Variants in KCNAB1 observed in about 807,000 individuals in gnomAD.
KCNAB1 encodes the protein voltage-gated potassium channel subunit beta-1.
Under a neutral mutation model 64.6 loss-of-function variants are expected in KCNAB1, and 35 were observed. That is an observed-to-expected ratio of 0.54 (90% CI 0.41 to 0.72). The LOEUF is 0.72. Among genes scored for constraint, KCNAB1 ranks in the 30% least tolerant of loss-of-function variants. The pLI, the probability that KCNAB1 is intolerant of heterozygous loss-of-function variation, is 0.00. For synonymous variants in KCNAB1, 177 were observed against 183.8 expected, an observed-to-expected ratio of 0.96 and a Z score of 0.30; for missense variants, 401 against 512.9, an observed-to-expected ratio of 0.78 and a Z score of 2.11.
chr3:156,197,921 C>A (rs931807527), intron 1 of KCNAB1, among the ~76,000 whole-genome samples: 1 of 152,164 alleles, frequency 6.6e-6, no homozygotes, highest in African/African-American at 2.4e-5. Flanking sequence ...CTGATCTGGG[C>A]ATTTAGTGCT....
chr3:156,503,957 A>G (rs890360779), intron 8 of KCNAB1, among the ~76,000 whole-genome samples: 3 of 152,190 alleles, frequency 2.0e-5, no homozygotes, highest in African/African-American at 7.2e-5. Context: ...AGAACAAACA[A>G]TTGTTAACTA....
At chr3:156,446,159 C>T (rs900013433) in intron 2 of KCNAB1, 10 of 152,158 alleles carry the variant, frequency 6.6e-5, no homozygotes, top group African/African-American at 2.4e-4. Flanking sequence ...CAGTGGAAGG[C>T]TCAGCCCATA....
At chr3:156,242,021 A>G (rs978526628) in intron 1 of KCNAB1, among the ~76,000 whole-genome samples, 1 of 151,992 alleles carries the variant, frequency 6.6e-6, no homozygotes, top group East Asian at 1.9e-4. Flanking sequence ...ACACCCTCCT[A>G]TTTGGCCTGT....
intron 1 of KCNAB1, among the ~76,000 whole-genome samples, chr3:156,140,317 G>T (rs1219388969): frequency 2.0e-5 from 3 of 152,172 alleles, no homozygotes; most frequent in African/African-American, 7.2e-5. Flanking sequence ...AGTTCAGGCT[G>T]TTACCATAGA....
At chr3:156,177,096 A>G (rs571522828) in intron 1 of KCNAB1, among the ~76,000 whole-genome samples, 4 of 152,280 alleles carry the variant, frequency 2.6e-5, no homozygotes, top group African/African-American at 9.6e-5. Flanking sequence ...GATGATGTCA[A>G]CTTTATTGTA....
intron 2 of KCNAB1, among the ~76,000 whole-genome samples, chr3:156,427,696 G>C (rs1715909740): frequency 1.3e-5 from 2 of 152,190 alleles, no homozygotes; most frequent in Non-Finnish European, 2.9e-5. Context: ...GAATTGTGGG[G>C]TAGGGAGTGG....
intron 1 of KCNAB1, among the ~76,000 whole-genome samples, chr3:156,325,170 A>G (rs1322406623): frequency 6.6e-6 from 1 of 152,186 alleles, no homozygotes; most frequent in African/African-American, 2.4e-5. Context: ...TGTCTTACAT[A>G]TGAGAAAATC....
chr3:156,231,344 G>A (rs1244335046), intron 1 of KCNAB1, among the ~76,000 whole-genome samples: 1 of 152,054 alleles, frequency 6.6e-6, no homozygotes, highest in Non-Finnish European at 1.5e-5. Context: ...TTTCCAATCT[G>A]ACTCTGGCAT....
rs5853744 is a variant in KCNAB1 at position 156,213,215 on chromosome 3, CT to C, written c.275+92343del. Among the ~76,000 whole-genome samples, 147 of 142,820 alleles carry C rather than the reference CT, an allele frequency of 1.0e-3. No individual in the cohort carries two copies. In the Middle Eastern group the frequency reaches 0.011, roughly 11 times the overall value. 93.7% of individuals were successfully genotyped at this position (142,820 alleles called of 152,430 possible). The stretch of plus-strand genomic sequence containing the variant: ...TGTGGAGTCCTATCAGTCTCTTTCA[CT>C]TTTTTTTTTTTTTGTCTTTTGAGAC... On this transcript the variant is annotated intron_variant, in intron 1 of 13. Coordinates refer to ENST00000490337, the MANE Select transcript of KCNAB1 (RefSeq NM_172160.3).
intron 1 of KCNAB1, among the ~76,000 whole-genome samples, chr3:156,306,068 A>C (rs1304697274): frequency 6.6e-6 from 1 of 152,252 alleles, no homozygotes; most frequent in Non-Finnish European, 1.5e-5. Context: ...AAGTAACAAA[A>C]AGAGAATATC....
chr3:156,220,106 C>T (rs1715613200), intron 1 of KCNAB1, among the ~76,000 whole-genome samples: 1 of 152,124 alleles, frequency 6.6e-6, no homozygotes, highest in Non-Finnish European at 1.5e-5. Context: ...TTTTCTTTAT[C>T]CAGTCTATAA....
chr3:156,285,037 T>C (rs1428229526), intron 1 of KCNAB1, among the ~76,000 whole-genome samples: 1 of 152,202 alleles, frequency 6.6e-6, no homozygotes. Context: ...TCTTTTTATA[T>C]ATGTACAAGA....
At chr3:156,501,753 C>G (rs1424340771) in intron 8 of KCNAB1, among the ~76,000 whole-genome samples, 1 of 152,076 alleles carries the variant, frequency 6.6e-6, no homozygotes, top group Non-Finnish European at 1.5e-5. Flanking sequence ...CTTAAAGATG[C>G]TGTATTAGTC....
At chr3:156,417,253 TA>T (rs1715140873) in intron 1 of KCNAB1, among the ~76,000 whole-genome samples, 1 of 152,216 alleles carries the variant, frequency 6.6e-6, no homozygotes, top group South Asian at 2.1e-4. Flanking sequence ...ATTTGATTAG[TA>T]ACTTCCAGGT....
chr3:156,385,095 A>G (rs1712485807), intron 1 of KCNAB1, among the ~76,000 whole-genome samples: 1 of 152,152 alleles, frequency 6.6e-6, no homozygotes, highest in Admixed American at 6.5e-5. Context: ...AATGTCATTT[A>G]TTTCTTTAAG....
At chr3:156,431,180 G>C (rs1381746529) in intron 2 of KCNAB1, among the ~76,000 whole-genome samples, 1 of 152,102 alleles carries the variant, frequency 6.6e-6, no homozygotes, top group Admixed American at 6.5e-5. Flanking sequence ...AAGGCTTCAC[G>C]AGGTCCCCAT....
intron 1 of KCNAB1, among the ~76,000 whole-genome samples, chr3:156,403,964 G>A (rs1198134709): frequency 1.3e-5 from 2 of 151,556 alleles, no homozygotes; most frequent in African/African-American, 4.9e-5. Flanking sequence ...ATTAGAGCCT[G>A]ACCTGGGTTA....
chr3:156,241,162 T>C lies in KCNAB1; in HGVS notation c.275+120276T>C, dbSNP rs998119739. On this transcript the variant is annotated intron_variant, in intron 1 of 13. Coordinates refer to ENST00000490337, the MANE Select transcript of KCNAB1 (RefSeq NM_172160.3). ...TGCAAAGAGATGCCAATGCTGACAGTTGAAAGTTAGCCAAGAAGACAAACT... is the reference window on the plus strand; with the variant it reads ...TGCAAAGAGATGCCAATGCTGACAGCTGAAAGTTAGCCAAGAAGACAAACT... Among the ~76,000 whole-genome samples the C allele has an allele frequency of 3.3e-4, 51 of 152,374 alleles. 1 individual carries two copies. The highest frequency in any genetic ancestry group is 1.2e-3 in the African/African-American group (51 of 41,598).
upstream of KCNAB1, chr3:156,118,461 G>A: frequency 3.4e-6 from 1 of 295,230 alleles, no homozygotes; most frequent in Admixed American, 3.9e-5. Context: ...TTGAAGTAGT[G>A]TGAAGCTCAT....
Sources: gnomAD v4.1 joint callset for allele counts (sites outside exome capture counted in the v4.1 genomes callset) on GRCh38, gnomAD v4.1.1 for gene constraint, MANE v1.5 for transcripts, NCBI Gene and HGNC (gene_info 2026-07-23, HGNC 2026-07-21) for gene names.